CNGA3: variants seen among roughly 807,000 people sequenced by gnomAD.
CNGA3 encodes cyclic nucleotide-gated channel alpha-3.
In CNGA3, 42 loss-of-function variants were observed where a neutral mutation model predicts 46.6. The ratio of observed to expected loss-of-function variants is 0.90; its 90% CI spans 0.70 to 1.17. CNGA3 has a LOEUF of 1.17. CNGA3 is among the 50% of genes most tolerant of loss of function. The probability of loss-of-function intolerance (pLI) is 0.00; values close to 1 mark genes in which losing one functional copy is unlikely to be tolerated. For missense variants in CNGA3, 893 were observed against 890.7 expected (o/e 1.00, Z -0.03); for synonymous variants, 394 against 369.4 (o/e 1.07, Z -0.76).
At chr2:98,370,702 C>T (rs1171615236) in intron 2 of CNGA3, among the ~76,000 whole-genome samples, 2 of 152,226 alleles carry the variant, frequency 1.3e-5, no homozygotes, top group Non-Finnish European at 2.9e-5. Flanking sequence ...CGCATTTAAC[C>T]ACTCCATGCC....
At chr2:98,392,333 A>G (rs112815357) in intron 7 of CNGA3, among the ~76,000 whole-genome samples, 9,122 of 152,150 alleles carry the variant, frequency 0.06, 934 homozygotes, top group African/African-American at 0.21. Context: ...GCCAAGGTGG[A>G]CAGATTACTG....
At chr2:98,378,028 A>G (rs1366571170) in intron 3 of CNGA3, 14 of 1,545,808 alleles carry the variant, frequency 9.1e-6, no homozygotes, top group Admixed American at 4.0e-5. Flanking sequence ...AAATTGCTTA[A>G]TAAAAGCTGA....
intron 2 of CNGA3, among the ~76,000 whole-genome samples, chr2:98,372,218 G>A (rs144295365): frequency 6.6e-6 from 1 of 152,304 alleles, no homozygotes; most frequent in East Asian, 1.9e-4. Context: ...TTCTGCTTTG[G>A]CCAGTGACCT....
At chr2:98,380,462 C>T in intron 4 of CNGA3, 108 bp downstream of exon 4, 1 of 1,345,356 alleles carries the variant, frequency 7.4e-7, no homozygotes, top group African/African-American at 1.5e-5. Flanking sequence ...CCTGGAACGT[C>T]ATCCCCATGA....
chr2:98,377,964 C>G (rs1251280566), intron 3 of CNGA3, 164 bp downstream of exon 3: 1 of 1,410,864 alleles, frequency 7.1e-7, no homozygotes, highest in Admixed American at 2.3e-5. Flanking sequence ...GTAATTTCCT[C>G]TTGGGTCAGA....
chr2:98,396,864 C>T lies in CNGA3; in HGVS notation c.1694C>T (p.Thr565Met), dbSNP rs201747279. The T allele has an allele frequency of 2.6e-4, 423 of 1,614,034 alleles. No individual in the cohort carries two copies. Among genetic ancestry groups the T allele is most frequent in the Non-Finnish European group, 3.3e-4 (391 of 1,180,038 alleles). ...GGGAGCAAGTCGGGGAACCGCAGGA[C>T]GGCCAACATCCGCAGCATTGGCTAC... ...IKGSKSGNRR[T>M]ANIRSIGYSD... Residue 565 changes from threonine to methionine, a missense_variant, in exon 8 of 8, where the codon ACG becomes ATG. This residue lies in a region of CNGA3 where 548 missense variants were observed against 570.8 expected (regional missense o/e 0.96). Transcript: ENST00000272602.
chr2:98,380,714 G>A (rs1692517873), intron 4 of CNGA3, among the ~76,000 whole-genome samples: 1 of 152,212 alleles, frequency 6.6e-6, no homozygotes, highest in African/African-American at 2.4e-5. Context: ...CCCCGTCCTA[G>A]ACTCCACTAT....
At chr2:98,352,080 T>C (rs1014506486) in intron 1 of CNGA3, among the ~76,000 whole-genome samples, 2 of 152,226 alleles carry the variant, frequency 1.3e-5, no homozygotes, top group Admixed American at 1.3e-4. Flanking sequence ...ATTTGCCTAT[T>C]CTGGACATTT....
intron 2 of CNGA3, among the ~76,000 whole-genome samples, chr2:98,373,912 A>T (rs1692347724): frequency 6.6e-6 from 1 of 152,222 alleles, no homozygotes; most frequent in Non-Finnish European, 1.5e-5. Context: ...CAAAGCAATT[A>T]CCACCAAAGA....
At chr2:98,391,612 G>C (rs1375465184) in intron 6 of CNGA3, among the ~76,000 whole-genome samples, 1 of 152,190 alleles carries the variant, frequency 6.6e-6, no homozygotes, top group Non-Finnish European at 1.5e-5. Context: ...TCTCTGCTGA[G>C]AGGCAATGGG....
At chr2:98,364,914 T>C (rs1692111156) in intron 1 of CNGA3, among the ~76,000 whole-genome samples, 1 of 152,226 alleles carries the variant, frequency 6.6e-6, no homozygotes, top group Non-Finnish European at 1.5e-5. Context: ...CAAATTCTTT[T>C]CTTTAAGAGT....
In CNGA3 at chr2:98,380,052, T is replaced by C. The variant is rs889449960; in HGVS notation, c.216-123T>C. The C allele has an allele frequency of 1.5e-5, 18 of 1,169,172 alleles. No individual in the cohort carries two copies. In the African/African-American group the frequency reaches 2.6e-4, roughly 17 times the overall value. The allele number at this position is 1,169,172 out of a possible 1,614,324, so 72.4% of individuals were successfully genotyped here. A position where few individuals can be genotyped will look rare whatever the true frequency, so the allele number is the denominator to read the frequency against. On this transcript the variant is annotated intron_variant, in intron 3 of 7. Coordinates refer to ENST00000272602, the MANE Select transcript of CNGA3 (RefSeq NM_001298.3). ...CCCGTACCCTGCTGGTCATCATTGC[T>C]TCTGCCCCATCCCTTGAGACAGACA...
chr2:98,359,232 C>T (rs1165165199), intron 1 of CNGA3, among the ~76,000 whole-genome samples: 2 of 152,194 alleles, frequency 1.3e-5, no homozygotes, highest in Non-Finnish European at 2.9e-5. Flanking sequence ...TCTATTGGTC[C>T]AGGGTTGCCC....
intron 7 of CNGA3, among the ~76,000 whole-genome samples, chr2:98,394,580 A>G (rs1181374020): frequency 6.6e-6 from 1 of 152,168 alleles, no homozygotes; most frequent in Non-Finnish European, 1.5e-5. Flanking sequence ...CATTCTGCCC[A>G]TCTTGTTTCA....
chr2:98,363,969 G>C (rs1692090174), intron 1 of CNGA3, among the ~76,000 whole-genome samples: 1 of 152,090 alleles, frequency 6.6e-6, no homozygotes, highest in Non-Finnish European at 1.5e-5. Flanking sequence ...TATGAATCTA[G>C]GTGCTCCTTT....
intron 1 of CNGA3, among the ~76,000 whole-genome samples, chr2:98,361,197 GC>G (rs963322406): frequency 1.2e-4 from 18 of 151,946 alleles, no homozygotes; most frequent in African/African-American, 3.9e-4. Flanking sequence ...CCCTGGAGAG[GC>G]CCCAGTGTGT....
At chr2:98,364,184 C>T (rs981490631) in intron 1 of CNGA3, among the ~76,000 whole-genome samples, 2 of 152,110 alleles carry the variant, frequency 1.3e-5, no homozygotes. Context: ...TCAAGACTAG[C>T]CTGGCCAACA....
rs1207666489 is a variant in CNGA3 at position 98,396,850 on chromosome 2, G to T, written c.1680G>T (p.Ser560=). 1 of 1,614,186 alleles carries T rather than the reference G, an allele frequency of 6.2e-7. No individual in the cohort carries two copies. Among genetic ancestry groups the T allele is most frequent in the South Asian group, 1.1e-5 (1 of 91,082 alleles). Residue 560 remains serine, a synonymous_variant, in exon 8 of 8, where the codon TCG becomes TCT. Coordinates refer to ENST00000272602, the MANE Select transcript of CNGA3 (RefSeq NM_001298.3). ...TTCTGAACATCAAGGGGAGCAAGTC[G>T]GGGAACCGCAGGACGGCCAACATCC... ...ISILNIKGSK[S]GNRRTANIRS...
chr2:98,389,847 C>A, intron 6 of CNGA3, 73 bp downstream of exon 6: 2 of 1,267,096 alleles, frequency 1.6e-6, no homozygotes. Flanking sequence ...CAGAGCTCCA[C>A]CTCTCCCTCG....
Sources: allele counts gnomAD v4.1 joint callset (sites outside exome capture counted in the v4.1 genomes callset), GRCh38; gene constraint gnomAD v4.1.1; regional missense constraint gnomAD v4.1.1; transcripts MANE v1.5; gene names NCBI Gene and HGNC (gene_info 2026-07-23, HGNC 2026-07-21).